FN3KRP: variants seen among roughly 807,000 people sequenced by gnomAD.
FN3KRP encodes the protein ketosamine-3-kinase.
A neutral mutation model predicts 29.8 loss-of-function variants in FN3KRP; 33 were observed. The observed-to-expected ratio is 1.11, with a 90% CI of 0.84 to 1.48. The LOEUF is 1.48. Among genes scored for constraint, FN3KRP ranks in the 40% most tolerant of loss-of-function variants. The probability of loss-of-function intolerance (pLI) is 0.00; values close to 1 mark genes in which losing one functional copy is unlikely to be tolerated. For missense variants in FN3KRP, 430 were observed against 402.6 expected (o/e 1.07, Z -0.58); for synonymous variants, 157 against 155.2 (o/e 1.01, Z -0.09).
At position 82,727,269 on chromosome 17, in the gene FN3KRP, T is replaced by C. The variant is rs956231553; in HGVS notation, c.*98T>C. The C allele has an allele frequency of 4.8e-6, 5 of 1,041,772 alleles. No homozygotes were observed. Among genetic ancestry groups the C allele is most frequent in the Non-Finnish European group, 5.7e-6 (4 of 704,688 alleles). The allele number at this position is 1,041,772 out of a possible 1,614,324, so 64.5% of individuals were successfully genotyped here. A position where few individuals can be genotyped will look rare whatever the true frequency, so the allele number is the denominator to read the frequency against. ...ACATGCTGGACTAGCTTAAGACCAA[T>C]GCAGTAGCTTATTTCCAAGCCTTGC... On this transcript the variant is annotated 3_prime_UTR_variant, in exon 6 of 6. Transcript: ENST00000269373.
chr17:82,720,300 G>GC lies in FN3KRP; in HGVS notation c.324dup (p.Asp109ArgfsTer5). 6.2e-7 allele frequency: 1 copy of GC among 1,614,072 alleles called. No individual in the cohort carries two copies. The highest frequency in any genetic ancestry group is 8.5e-7 in the Non-Finnish European group (1 of 1,179,992). ...TGCTGCAAAGCTTGGAGCCCAGCTG[G>GC]CCGATTTACACCTTGATAACAAGAA... On this transcript the variant is annotated frameshift_variant, in exon 3 of 6. Transcript: ENST00000269373. LOFTEE classifies it high-confidence loss of function.
chr17:82,722,750 T>A lies in FN3KRP; in HGVS notation c.386-54T>A, dbSNP rs185031375. The A allele has an allele frequency of 2.0e-4, 312 of 1,568,016 alleles. 1 individual carries two copies. The African/African-American group carries it at 2.8e-3, about 14-fold the overall frequency. On this transcript the variant is annotated intron_variant, in intron 3 of 5. Transcript: ENST00000269373. The stretch of plus-strand genomic sequence containing the variant: ...TCTGAAGGTGACTCAGTTTCGAGAG[T>A]GGGCGCTGGGATCCCTTGGAACTAA...
Position 82,722,849 on chromosome 17 carries a change from G to T in FN3KRP, c.431G>T (p.Gly144Val). 6.2e-7 allele frequency: 1 copy of T among 1,614,132 alleles called. No homozygotes were observed. Among genetic ancestry groups the T allele is most frequent in the Non-Finnish European group, 8.5e-7 (1 of 1,180,036 alleles). Residue 144 changes from glycine to valine, a missense_variant, in exon 4 of 6, where the codon GGA becomes GTA. Coordinates refer to ENST00000269373, the MANE Select transcript of FN3KRP (RefSeq NM_024619.4). Reference sequence around the variant, plus strand: ...GAACGGCCCTTTGTGGCCCGGTTTGGATTTGACGTGGTGACGTGCTGTGGA... The same window carrying T: ...GAACGGCCCTTTGTGGCCCGGTTTGTATTTGACGTGGTGACGTGCTGTGGA... ...QEERPFVARF[G>V]FDVVTCCGYL...
chr17:82,726,676 C>A (rs2046840027), intron 5 of FN3KRP, 74 bp downstream of exon 5: 1 of 1,547,482 alleles, frequency 6.5e-7, no homozygotes. Flanking sequence ...GGCACCAAGG[C>A]AGGTGAGGCC....
chr17:82,716,763 A>G lies in FN3KRP; in HGVS notation c.8A>G (p.Glu3Gly), dbSNP rs1294674673. ...CGCGGCCGCGGCGGGAACATGGAGG[A>G]GCTCCTGAGGCGCGAGCTGGGCTGC... Reference protein sequence around the residue: MEELLRRELGCSS... With the variant: MEGLLRRELGCSS... Residue 3 changes from glutamate to glycine, a missense_variant, in exon 1 of 6, where the codon GAG becomes GGG. Transcript: ENST00000269373. 4 of 1,513,106 alleles carry G rather than the reference A, an allele frequency of 2.6e-6. No homozygotes were observed. The highest frequency in any genetic ancestry group is 3.5e-6 in the Non-Finnish European group (4 of 1,139,164). 93.7% of individuals were successfully genotyped at this position (1,513,106 alleles called of 1,614,324 possible).
At chr17:82,722,691 G>A (rs891287672) in intron 3 of FN3KRP, 113 bp from the exon 4 acceptor site, 17 of 926,822 alleles carry the variant, frequency 1.8e-5, no homozygotes, top group Non-Finnish European at 2.3e-5. Context: ...TCTCTGGCAG[G>A]GGCATAAGCT....
At position 82,726,715 on chromosome 17, in the gene FN3KRP, CG is replaced by C; in HGVS notation, c.592-115del. ...TCTGAGTCTGATTCTGGGTGGGAAG[CG>C]GGTGCCTGGTGGTGTGCTATCCGCT... On this transcript the variant is annotated intron_variant, in intron 5 of 5. Coordinates refer to ENST00000269373, the MANE Select transcript of FN3KRP (RefSeq NM_024619.4). 2.0e-6 allele frequency: 3 copies of C among 1,510,094 alleles called. No homozygotes were observed. In the Admixed American group the frequency reaches 6.6e-5, roughly 33 times the overall value. The allele number at this position is 1,510,094 out of a possible 1,614,324, so 93.5% of individuals were successfully genotyped here.
intron 3 of FN3KRP, among the ~76,000 whole-genome samples, chr17:82,721,579 T>A (rs58867683): frequency 0.4 from 59,654 of 150,954 alleles, 11,972 homozygotes; most frequent in South Asian, 0.61. Flanking sequence ...CTCTGCTCAC[T>A]GCAAGCTCCG....
At chr17:82,723,479 C>T (rs1352551306) in intron 4 of FN3KRP, among the ~76,000 whole-genome samples, 2 of 151,922 alleles carry the variant, frequency 1.3e-5, no homozygotes, top group East Asian at 3.9e-4. Flanking sequence ...GCCCCTTCGT[C>T]TCGTGGCTGT....
rs183144630 is a variant in FN3KRP, at chr17:82,716,915, C to G, written c.141+19C>G. The G allele has an allele frequency of 3.1e-3, 3,585 of 1,141,148 alleles. 79 individuals carry two copies. In the African/African-American group the frequency reaches 0.05, roughly 16 times the overall value. The allele number at this position is 1,141,148 out of a possible 1,614,324, so 70.7% of individuals were successfully genotyped here. On this transcript the variant is annotated intron_variant, in intron 1 of 5. Coordinates refer to ENST00000269373, the MANE Select transcript of FN3KRP (RefSeq NM_024619.4). ...GGCGGAGGTCAGGCAGCGGGTCGGGCGGGCCGGGGGACCGGTTTCTTTCCG... is the reference window on the plus strand; with the variant it reads ...GGCGGAGGTCAGGCAGCGGGTCGGGGGGGCCGGGGGACCGGTTTCTTTCCG...
rs772127645 is a variant in FN3KRP, at chr17:82,722,834, T to G, written c.416T>G (p.Phe139Cys). ...GRGGGQEERP[F>C]VARFGFDVVT... The stretch of plus-strand genomic sequence containing the variant: ...GGAGGTGGGCAGGAGGAACGGCCCT[T>G]TGTGGCCCGGTTTGGATTTGACGTG... Residue 139 changes from phenylalanine to cysteine, a missense_variant, in exon 4 of 6, where the codon TTT (phenylalanine) becomes TGT (cysteine). Coordinates refer to ENST00000269373, the MANE Select transcript of FN3KRP (RefSeq NM_024619.4). 1 of 1,614,076 alleles carries G rather than the reference T, an allele frequency of 6.2e-7. No individual in the cohort carries two copies. The highest frequency in any genetic ancestry group is 8.5e-7 in the Non-Finnish European group (1 of 1,180,012).
intron 4 of FN3KRP, among the ~76,000 whole-genome samples, chr17:82,723,414 G>A (rs1042009043): frequency 8.5e-5 from 13 of 152,136 alleles, no homozygotes; most frequent in Non-Finnish European, 1.8e-4. Flanking sequence ...GGGGCGGGGA[G>A]TGGTGCCCTC....
At position 82,722,910 on chromosome 17, in the gene FN3KRP, A is replaced by G. The variant is rs373324194; in HGVS notation, c.468+24A>G. On this transcript the variant is annotated intron_variant, in intron 4 of 5. Transcript: ENST00000269373. ...AGGTGAGTGCACGGCGTTTGCTTCT[A>G]TTTCACAATCAGGTCAGCTGTTCAG... 13 of 1,607,816 alleles carry G rather than the reference A, an allele frequency of 8.1e-6. No homozygotes were observed. The African/African-American group carries it at 1.5e-4, about 18-fold the overall frequency.
chr17:82,726,459 G>A (rs2046837622), intron 4 of FN3KRP, 21 bp from the exon 5 acceptor site: 14 of 1,610,088 alleles, frequency 8.7e-6, no homozygotes, highest in Non-Finnish European at 1.0e-5. Context: ...AGTGAACTGT[G>A]CTTTTGCTGT....
intron 4 of FN3KRP, among the ~76,000 whole-genome samples, chr17:82,723,659 G>A (rs1047460398): frequency 5.3e-5 from 8 of 151,230 alleles, no homozygotes; most frequent in South Asian, 2.1e-4. Flanking sequence ...GTGTGTACGC[G>A]TGTGCGCGCA....
chr17:82,717,023 C>T, intron 1 of FN3KRP, 127 bp downstream of exon 1: 1 of 1,178,138 alleles, frequency 8.5e-7, no homozygotes, highest in East Asian at 3.1e-5. Flanking sequence ...GGACTGCCGC[C>T]GCCGCCCCTT....
rs932119691 is a variant in FN3KRP at position 82,720,504 on chromosome 17, C to T, written c.385+141C>T. 4 of 613,192 alleles carry T rather than the reference C, an allele frequency of 6.5e-6. No individual in the cohort carries two copies. The African/African-American group carries it at 7.4e-5, about 11-fold the overall frequency. 38.0% of individuals were successfully genotyped at this position (613,192 alleles called of 1,614,324 possible). On this transcript the variant is annotated intron_variant, in intron 3 of 5. Coordinates refer to ENST00000269373, the MANE Select transcript of FN3KRP (RefSeq NM_024619.4). ...AGAGCAAGGGAATGTCGGCCTTGAGCCGCATCTCACGGTGCACTGAACACA... is the reference window on the plus strand; with the variant it reads ...AGAGCAAGGGAATGTCGGCCTTGAGTCGCATCTCACGGTGCACTGAACACA...
rs1277276823 is a variant in FN3KRP, at chr17:82,723,658, C to CGT, written c.468+776_468+777dup. Reference sequence around the variant, plus strand: ...GCACACGTGTGTGCATGTGTGTACGCGTGTGCGCGCACATGTATGTGTGCA... The same window carrying CGT: ...GCACACGTGTGTGCATGTGTGTACGCGTGTGTGCGCGCACATGTATGTGTGCA... On this transcript the variant is annotated intron_variant, in intron 4 of 5. Coordinates refer to ENST00000269373, the MANE Select transcript of FN3KRP (RefSeq NM_024619.4). Among the ~76,000 whole-genome samples, 22 of 151,336 alleles carry CGT rather than the reference C, an allele frequency of 1.5e-4. 1 individual carries two copies. The highest frequency in any genetic ancestry group is 6.8e-3 in the Middle Eastern group (2 of 294).
At chr17:82,719,794 G>A (rs576012567) in intron 2 of FN3KRP, among the ~76,000 whole-genome samples, 1 of 152,022 alleles carries the variant, frequency 6.6e-6, no homozygotes, top group African/African-American at 2.4e-5. Context: ...CTTGGATGAG[G>A]CTGGGAAAGA....
Sources: gnomAD v4.1 joint callset for allele counts (sites outside exome capture counted in the v4.1 genomes callset) on GRCh38, gnomAD v4.1.1 for gene constraint, MANE v1.5 for transcripts, NCBI Gene and HGNC (gene_info 2026-07-23, HGNC 2026-07-21) for gene names.